MTA2: variants seen among roughly 807,000 people sequenced by gnomAD.
MTA2 encodes metastasis-associated protein MTA2.
A neutral mutation model predicts 87.1 loss-of-function variants in MTA2; 22 were observed. The observed-to-expected ratio is 0.25, with a 90% confidence interval of 0.18 to 0.36. MTA2 has a LOEUF of 0.36. Ranked by LOEUF, MTA2 falls within the 10% of genes least tolerant of loss-of-function variation. The pLI is 1.00. For synonymous variants in MTA2, 314 were observed against 310.1 expected (o/e 1.01, Z -0.13); for missense variants, 542 against 853.2 (o/e 0.64, Z 4.54).
chr11:62,600,722 G>C, intron 1 of MTA2, 33 bp from the exon 2 acceptor site: 1 of 1,589,726 alleles, frequency 6.3e-7, no homozygotes, highest in Non-Finnish European at 8.6e-7. Flanking sequence ...GAACCACGAA[G>C]ATCAGAGGAG....
At chr11:62,600,119 G>A (rs765075476) in intron 3 of MTA2, 47 bp downstream of exon 3, 5 of 1,539,108 alleles carry the variant, frequency 3.2e-6, no homozygotes, top group Admixed American at 1.7e-5. Flanking sequence ...ACATGCCCAG[G>A]CCTCAGATCA....
intron 7 of MTA2, 25 bp downstream of exon 7, chr11:62,597,585 T>C: frequency 6.2e-7 from 1 of 1,605,222 alleles, no homozygotes; most frequent in South Asian, 1.1e-5. Context: ...CCCCAGCCCA[T>C]CTTCCCTATC....
At chr11:62,594,710 G>A in intron 15 of MTA2, 76 bp from the exon 16 acceptor site, 14 of 1,381,792 alleles carry the variant, frequency 1.0e-5, no homozygotes, top group Non-Finnish European at 1.4e-5. Context: ...TCTCTTCCCT[G>A]GACCAGCAGT....
In MTA2 at chr11:62,600,278, C is replaced by CA. The variant is rs1942160291; in HGVS notation, c.97-20dup. The CA allele has an allele frequency of 6.2e-7, 1 of 1,604,794 alleles. No individual in the cohort carries two copies. The highest frequency in any genetic ancestry group is 8.5e-7 in the Non-Finnish European group (1 of 1,172,306). On this transcript the variant is annotated intron_variant, in intron 2 of 17. Transcript: ENST00000278823. Reference sequence around the variant, plus strand: ...TTGCAGTCTAAGGGGAGGAAAAAAACAAAAACAAAACAACGTAGCAGTGGA... The same window carrying CA: ...TTGCAGTCTAAGGGGAGGAAAAAAACAAAAAACAAAACAACGTAGCAGTGGA...
At chr11:62,597,289 C>A in intron 8 of MTA2, 27 bp downstream of exon 8, 1 of 1,558,284 alleles carries the variant, frequency 6.4e-7, no homozygotes, top group Non-Finnish European at 8.7e-7. Context: ...ACCCAGCCTG[C>A]CCAACTACCC....
At chr11:62,600,718 C>T (rs758993268) in intron 1 of MTA2, 29 bp from the exon 2 acceptor site, 1 of 1,601,834 alleles carries the variant, frequency 6.2e-7, no homozygotes, top group Admixed American at 1.7e-5. Flanking sequence ...GGGAGAACCA[C>T]GAAGATCAGA....
At position 62,594,413 on chromosome 11, in the gene MTA2, AAAGGGGT is replaced by A; in HGVS notation, c.1693-13_1693-7del. The A allele has an allele frequency of 1.2e-6, 2 of 1,614,134 alleles. No individual in the cohort carries two copies. The highest frequency in any genetic ancestry group is 1.6e-4 in the Middle Eastern group (1 of 6,062). On this transcript the variant is annotated splice_region_variant and splice_polypyrimidine_tract_variant and intron_variant, in intron 16 of 17. Coordinates refer to ENST00000278823, the MANE Select transcript of MTA2 (RefSeq NM_004739.4). ...GGAACCCCTGCCCCTGCCATCTGGAAAAGGGGTAGGATGGCACAATGAGGGAAGGGAC... is the reference window on the plus strand; with the variant it reads ...GGAACCCCTGCCCCTGCCATCTGGAAAGGATGGCACAATGAGGGAAGGGAC...
rs1249269491 is a variant in MTA2, at chr11:62,601,454, C to T, written c.-4G>A. 3 of 1,609,268 alleles carry T rather than the reference C, an allele frequency of 1.9e-6. No homozygotes were observed. Among genetic ancestry groups the T allele is most frequent in the South Asian group, 1.1e-5 (1 of 90,562 alleles). On this transcript the variant is annotated 5_prime_UTR_variant, in exon 1 of 18. Coordinates refer to ENST00000278823, the MANE Select transcript of MTA2 (RefSeq NM_004739.4). ...CCCGGTACATGTTGGCCGCCATGGC[C>T]GTTCCCGCCGCCGCCTCCGGCCGCA...
At chr11:62,600,501 C>CAATG in intron 2 of MTA2, 121 bp downstream of exon 2, 1 of 979,022 alleles carries the variant, frequency 1.0e-6, no homozygotes, top group Non-Finnish European at 1.5e-6. Context: ...TGAATACATC[C>CAATG]AATGAATGAA....
chr11:62,600,434 C>A, intron 2 of MTA2, 175 bp from the exon 3 acceptor site: 1 of 806,828 alleles, frequency 1.2e-6, no homozygotes. Context: ...AATCCCTTTC[C>A]TTTGCCCCCA....
rs1942194454 is a variant in MTA2 at position 62,601,360 on chromosome 11, C to G, written c.28+63G>C. 10 of 1,583,812 alleles carry G rather than the reference C, an allele frequency of 6.3e-6. No homozygotes were observed. In the South Asian group the frequency reaches 9.1e-5, roughly 14 times the overall value. The stretch of plus-strand genomic sequence containing the variant: ...CGCCTCGCGCCACCCGGTGCCGAGC[C>G]CCTCAGGTCCCTACCCCAACCTCTC... On this transcript the variant is annotated intron_variant, in intron 1 of 17. Transcript: ENST00000278823.
In MTA2 at chr11:62,597,663, G is replaced by A; in HGVS notation, c.540C>T (p.Asp180=). ...NQQKMEMKVW[D]PDNPLTDRQI... is the part of the protein sequence containing the mutation. ...GCCGGTCTGTGAGAGGGTTGTCTGG[G>A]TCCCAGACCTTCATCTCCATCTTCT... Residue 180 remains aspartate (D), a synonymous_variant, in exon 7 of 18, where the codon GAC becomes GAT. Transcript: ENST00000278823. The A allele has an allele frequency of 6.2e-7, 1 of 1,614,194 alleles. No homozygotes were observed. Among genetic ancestry groups the A allele is most frequent in the African/African-American group, 1.3e-5 (1 of 75,040 alleles).
intron 1 of MTA2, among the ~76,000 whole-genome samples, 153 bp from the exon 2 acceptor site, chr11:62,600,842 G>A (rs961142461): frequency 3.3e-5 from 5 of 152,278 alleles, no homozygotes; most frequent in African/African-American, 1.2e-4. Flanking sequence ...GACAGACTAA[G>A]AGAAAATAAG....
chr11:62,595,580 T>G lies in MTA2; in HGVS notation c.1255-88A>C. The G allele has an allele frequency of 6.5e-7, 1 of 1,532,214 alleles. No individual in the cohort carries two copies. The allele number at this position is 1,532,214 out of a possible 1,614,324, so 94.9% of individuals were successfully genotyped here. A position where few individuals can be genotyped will look rare whatever the true frequency, so the allele number is the denominator to read the frequency against. The stretch of plus-strand genomic sequence containing the variant: ...CCATTCCCTGCAGGGGACAATTTAT[T>G]CCTGTCTAATCTCTTTACTGACCTC... On this transcript the variant is annotated intron_variant, in intron 13 of 17. Transcript: ENST00000278823. The surrounding 1 kb of genome is among the most constrained non-coding windows in gnomAD (Gnocchi z 4.9).
chr11:62,601,489 C>T lies in MTA2; in HGVS notation c.-39G>A, dbSNP rs1193852065. On this transcript the variant is annotated 5_prime_UTR_variant, in exon 1 of 18. Coordinates refer to ENST00000278823, the MANE Select transcript of MTA2 (RefSeq NM_004739.4). ...GCCGCCTCCGGCCGCACAAAGGGGT[C>T]CGGGAGGCTCGCGGGGGCAGGGCTC... 1 of 1,597,064 alleles carries T rather than the reference C, an allele frequency of 6.3e-7. No homozygotes were observed. The highest frequency in any genetic ancestry group is 1.7e-5 in the Admixed American group (1 of 59,056).
intron 3 of MTA2, 105 bp from the exon 4 acceptor site, chr11:62,598,744 T>C (rs1245889250): frequency 9.6e-6 from 10 of 1,045,948 alleles, no homozygotes; most frequent in Non-Finnish European, 1.2e-5. Flanking sequence ...GCTGTTTTTT[T>C]CTCACATTTC....
intron 3 of MTA2, among the ~76,000 whole-genome samples, chr11:62,599,021 CTG>C (rs1476761001): frequency 6.6e-6 from 1 of 152,222 alleles, no homozygotes; most frequent in Non-Finnish European, 1.5e-5. Flanking sequence ...TCACACAAGA[CTG>C]TGTTTACCAG....
In MTA2 at chr11:62,598,777, C is replaced by T. The variant is rs2134326197; in HGVS notation, c.191-138G>A. 5.7e-6 allele frequency: 4 copies of T among 698,446 alleles called. No homozygotes were observed. In the South Asian group the frequency reaches 7.2e-5, roughly 13 times the overall value. 43.3% of individuals were successfully genotyped at this position (698,446 alleles called of 1,614,324 possible). A position where few individuals can be genotyped will look rare whatever the true frequency, so the allele number is the denominator to read the frequency against. ...TTCCCAGGCGTCTGCCTTCTATACCCTTATCCCACCAGCTTTCCTTCTTAG... is the reference window on the plus strand; with the variant it reads ...TTCCCAGGCGTCTGCCTTCTATACCTTTATCCCACCAGCTTTCCTTCTTAG... On this transcript the variant is annotated intron_variant, in intron 3 of 17. Transcript: ENST00000278823.
At position 62,595,552 on chromosome 11, in the gene MTA2, C is replaced by T. The variant is rs1942086871; in HGVS notation, c.1255-60G>A. Reference sequence around the variant, plus strand: ...AATCAGCACTGAGGCTCCCTTCTTTCTTCCATTCCCTGCAGGGGACAATTT... The same window carrying T: ...AATCAGCACTGAGGCTCCCTTCTTTTTTCCATTCCCTGCAGGGGACAATTT... On this transcript the variant is annotated intron_variant, in intron 13 of 17. Coordinates refer to ENST00000278823, the MANE Select transcript of MTA2 (RefSeq NM_004739.4). The surrounding 1 kb of genome is among the most constrained non-coding windows in gnomAD (Gnocchi z 4.9). The T allele has an allele frequency of 6.3e-7, 1 of 1,583,080 alleles. No homozygotes were observed. Among genetic ancestry groups the T allele is most frequent in the Non-Finnish European group, 8.7e-7 (1 of 1,155,984 alleles).
Sources: allele counts gnomAD v4.1 joint callset (sites outside exome capture counted in the v4.1 genomes callset), GRCh38; gene constraint gnomAD v4.1.1; non-coding constraint Gnocchi (gnomAD v3.1); transcripts MANE v1.5; gene names NCBI Gene and HGNC (gene_info 2026-07-23, HGNC 2026-07-21).